Variants in SCARA5 observed in about 807,000 individuals in gnomAD.
SCARA5 encodes the protein scavenger receptor class A member 5, also known as scavenger receptor class A, member 5 (putative).
SCARA5 carries 45 observed loss-of-function variants against 46.3 expected under a neutral mutation model. The ratio of observed to expected loss-of-function variants is 0.97; its 90% CI spans 0.76 to 1.24. SCARA5 has a LOEUF of 1.24. Among genes scored for constraint, SCARA5 ranks in the 50% most tolerant of loss-of-function variants. The pLI is 0.00. For synonymous variants in SCARA5, 333 were observed against 306.5 expected (o/e 1.09, Z -0.90); for missense variants, 680 against 689.0 (o/e 0.99, Z 0.15).
At chr8:27,969,764 G>T (rs1475708272) in intron 2 of SCARA5, among the ~76,000 whole-genome samples, 1 of 152,114 alleles carries the variant, frequency 6.6e-6, no homozygotes, top group East Asian at 1.9e-4. Flanking sequence ...GGCAGGCGGG[G>T]TATATGGGAA....
chr8:27,962,450 C>A (rs1048453057), intron 3 of SCARA5, among the ~76,000 whole-genome samples: 5 of 152,168 alleles, frequency 3.3e-5, no homozygotes, highest in Admixed American at 6.5e-5. Flanking sequence ...ATCATTCTTA[C>A]AATAAGCACA....
chr8:27,879,901 C>T, intron 7 of SCARA5, 135 bp from the exon 8 acceptor site: 1 of 775,386 alleles, frequency 1.3e-6, no homozygotes. Flanking sequence ...GACTTCAGCC[C>T]CCAAATCACC....
At chr8:27,963,787 C>T (rs1011938106) in intron 3 of SCARA5, among the ~76,000 whole-genome samples, 2 of 152,052 alleles carry the variant, frequency 1.3e-5, no homozygotes, top group African/African-American at 4.8e-5. Context: ...TACTGGGAAA[C>T]AGTAAGAGTA....
At chr8:27,943,280 AG>A (rs1481495320) in intron 3 of SCARA5, among the ~76,000 whole-genome samples, 1 of 152,148 alleles carries the variant, frequency 6.6e-6, no homozygotes, top group Non-Finnish European at 1.5e-5. Flanking sequence ...AAATACAAAA[AG>A]CTTGTGTTTT....
intron 3 of SCARA5, among the ~76,000 whole-genome samples, chr8:27,934,252 A>G (rs1370966805): frequency 6.6e-6 from 1 of 152,164 alleles, no homozygotes; most frequent in Non-Finnish European, 1.5e-5. Flanking sequence ...TGCAGAAGAA[A>G]GGAAGGGCTA....
At position 27,974,224 on chromosome 8, in the gene SCARA5, G is replaced by GC. The variant is rs537648749; in HGVS notation, c.113-7683dup. On this transcript the variant is annotated intron_variant, in intron 2 of 8. Coordinates refer to ENST00000354914, the MANE Select transcript of SCARA5 (RefSeq NM_173833.6). ...GGGGCTCTGTGGAAGTCAACGCAAA[G>GC]CCTGCCTCTGTCATGCATTAACTGT... Among the ~76,000 whole-genome samples the GC allele has an allele frequency of 4.6e-5, 7 of 152,294 alleles. No individual in the cohort carries two copies. In the South Asian group the frequency reaches 1.5e-3, roughly 32 times the overall value.
intron 3 of SCARA5, among the ~76,000 whole-genome samples, chr8:27,956,765 C>T (rs920665036): frequency 2.6e-5 from 4 of 152,158 alleles, no homozygotes; most frequent in Admixed American, 2.0e-4. Context: ...CTTCCCATCT[C>T]CCTGTGTCTC....
At chr8:27,953,992 A>C (rs1808171030) in intron 3 of SCARA5, among the ~76,000 whole-genome samples, 1 of 152,160 alleles carries the variant, frequency 6.6e-6, no homozygotes, top group Non-Finnish European at 1.5e-5. Context: ...CCTCTGATGC[A>C]GGTCCCACTC....
intron 2 of SCARA5, among the ~76,000 whole-genome samples, chr8:27,977,075 G>C (rs1808535997): frequency 1.3e-5 from 2 of 152,184 alleles, no homozygotes; most frequent in African/African-American, 4.8e-5. Flanking sequence ...GGCAGATCAG[G>C]TGTCTACACA....
intron 7 of SCARA5, among the ~76,000 whole-genome samples, chr8:27,884,940 C>A (rs1806870060): frequency 6.6e-6 from 1 of 151,956 alleles, no homozygotes; most frequent in Admixed American, 6.6e-5. Flanking sequence ...GGCAAGTGAA[C>A]AAAGGAGTGG....
chr8:27,871,517 G>C lies in SCARA5; in HGVS notation c.*417C>G, dbSNP rs1806636099. 1.0e-6 allele frequency: 1 copy of C among 1,001,882 alleles called. No individual in the cohort carries two copies. The highest frequency in any genetic ancestry group is 1.2e-6 in the Non-Finnish European group (1 of 840,058). The allele number at this position is 1,001,882 out of a possible 1,614,324, so 62.1% of individuals were successfully genotyped here. A position where few individuals can be genotyped will look rare whatever the true frequency, so the allele number is the denominator to read the frequency against. ...AACTCTTGGACTAATGGAGGTTTGG[G>C]AATTGTCTGAAGAGTAAATGATCTA... On this transcript the variant is annotated 3_prime_UTR_variant, in exon 9 of 9. Transcript: ENST00000354914.
intron 7 of SCARA5, among the ~76,000 whole-genome samples, chr8:27,890,856 C>CA (rs1806969421): frequency 6.6e-6 from 1 of 152,236 alleles, no homozygotes; most frequent in East Asian, 1.9e-4. Context: ...CTTGGGGACA[C>CA]AGAGGTATTT....
chr8:27,909,374 A>G (rs376728774), intron 5 of SCARA5, among the ~76,000 whole-genome samples: 2 of 152,120 alleles, frequency 1.3e-5, no homozygotes, highest in Non-Finnish European at 2.9e-5. Context: ...CTCCTTCTGC[A>G]TGCTCTGCTC....
intron 2 of SCARA5, among the ~76,000 whole-genome samples, chr8:27,984,414 G>A (rs1487102667): frequency 6.6e-6 from 1 of 152,242 alleles, no homozygotes; most frequent in African/African-American, 2.4e-5. Context: ...CGGCAATCAG[G>A]TGTAGATGGT....
chr8:27,986,876 A>G (rs1201626509), intron 2 of SCARA5, among the ~76,000 whole-genome samples: 2 of 152,238 alleles, frequency 1.3e-5, no homozygotes, highest in African/African-American at 4.8e-5. Context: ...GCATGCAGCA[A>G]GAACTTATCA....
rs1563510627 is a variant in SCARA5, at chr8:27,879,738, G to A, written c.1182C>T (p.Arg394=). 6.2e-7 allele frequency: 1 copy of A among 1,612,966 alleles called. No individual in the cohort carries two copies. The highest frequency in any genetic ancestry group is 8.5e-7 in the Non-Finnish European group (1 of 1,180,026). Residue 394 remains arginine, a synonymous_variant, in exon 8 of 9, where the codon CGC becomes CGT. Coordinates refer to ENST00000354914, the MANE Select transcript of SCARA5 (RefSeq NM_173833.6). ...ASGVEAPMMI[R]LVNGSGPHEG... is the part of the protein sequence containing the mutation. ...CGTGCGGACCTGAGCCATTCACCAGGCGGATCATCATCGGGGCCTCCACGC... is the reference window on the plus strand; with the variant it reads ...CGTGCGGACCTGAGCCATTCACCAGACGGATCATCATCGGGGCCTCCACGC...
intron 3 of SCARA5, among the ~76,000 whole-genome samples, chr8:27,923,788 T>C (rs1287298027): frequency 6.6e-6 from 1 of 152,144 alleles, no homozygotes; most frequent in East Asian, 1.9e-4. Context: ...TTGGCCAGGA[T>C]GGTCTCGATC....
At position 27,879,589 on chromosome 8, in the gene SCARA5, C is replaced by A; in HGVS notation, c.1331G>T (p.Arg444Leu). ...LGFRGVEEVYRTARFGQGTGR... is the reference protein window; with the variant it reads ...LGFRGVEEVYLTARFGQGTGR... The stretch of plus-strand genomic sequence containing the variant: ...CTTACCTTGCCCGAATCGAGCTGTG[C>A]GGTACACCTCCTCCACACCGCGGAA... The change falls in exon 8 of 9, where the codon CGC (arginine) becomes CTC (leucine). Residue 444 changes from arginine (R) to leucine (L), a missense_variant. This residue lies in a region of SCARA5 where 219 missense variants were observed against 269.5 expected (regional missense o/e 0.81). Transcript: ENST00000354914. 6.2e-7 allele frequency: 1 copy of A among 1,608,986 alleles called. No homozygotes were observed.
At chr8:27,906,369 T>G (rs1019483151) in intron 6 of SCARA5, among the ~76,000 whole-genome samples, 14 of 152,242 alleles carry the variant, frequency 9.2e-5, no homozygotes, top group African/African-American at 3.4e-4. Flanking sequence ...ACAAGGGGAC[T>G]GCCTACAGGA....
Sources: gnomAD v4.1 joint callset for allele counts (sites outside exome capture counted in the v4.1 genomes callset) on GRCh38, gnomAD v4.1.1 for gene constraint, gnomAD v4.1.1 regional missense constraint, MANE v1.5 for transcripts, NCBI Gene and HGNC (gene_info 2026-07-23, HGNC 2026-07-21) for gene names.